KCTD18: variants seen among roughly 807,000 people sequenced by gnomAD.
KCTD18 encodes the protein potassium channel tetramerization domain containing 18.
KCTD18 carries 22 observed loss-of-function variants against 30.4 expected under a neutral mutation model. That is an observed-to-expected ratio of 0.72 (90% CI 0.52 to 1.03). The LOEUF is 1.03. KCTD18 is among the 50% of genes least tolerant of loss of function. KCTD18 has a pLI of 0.00. For missense variants in KCTD18, 529 were observed against 547.6 expected, an observed-to-expected ratio of 0.97 and a Z score of 0.34; for synonymous variants, 186 against 209.0, an observed-to-expected ratio of 0.89 and a Z score of 0.95.
At chr2:200,497,154 A>T (rs949836940) in intron 5 of KCTD18, 1 of 152,588 alleles carries the variant, frequency 6.6e-6, no homozygotes, top group Non-Finnish European at 1.5e-5. Context: ...AGAACACGTA[A>T]CCTGTGATCC....
At position 200,506,645 on chromosome 2, in the gene KCTD18, TCTTA is replaced by T. The variant is rs561115350; in HGVS notation, c.160+208_160+211del. On this transcript the variant is annotated intron_variant, in intron 2 of 6. Coordinates refer to ENST00000359878, the MANE Select transcript of KCTD18 (RefSeq NM_152387.4). ...TAGGTTATGACCAGCCTTTATGAAC[TCTTA>T]CTTCTTTGTCAACTTTTAACATTAT... Among the ~76,000 whole-genome samples the T allele has an allele frequency of 6.6e-5, 10 of 152,244 alleles. No homozygotes were observed. The South Asian group carries it at 2.1e-3, about 31-fold the overall frequency.
intron 6 of KCTD18, among the ~76,000 whole-genome samples, chr2:200,491,912 A>G: frequency 6.6e-6 from 1 of 152,204 alleles, no homozygotes; most frequent in East Asian, 1.9e-4. Flanking sequence ...TGCCATCTGT[A>G]GCAAAGAGTG....
At position 200,504,978 on chromosome 2, in the gene KCTD18, A is replaced by G; in HGVS notation, c.161-19T>C. The stretch of plus-strand genomic sequence containing the variant: ...CAAGCCCCTAGAAAACATTCAGTTC[A>G]AAAATGATTATAGAGATTCTGTCGA... On this transcript the variant is annotated intron_variant, in intron 2 of 6. Transcript: ENST00000359878. The G allele has an allele frequency of 1.3e-6, 2 of 1,583,020 alleles. No homozygotes were observed. The highest frequency in any genetic ancestry group is 1.7e-6 in the Non-Finnish European group (2 of 1,152,694).
chr2:200,504,961 T>C lies in KCTD18; in HGVS notation c.161-2A>G, dbSNP rs1343091878. On this transcript the variant is annotated splice_acceptor_variant, in intron 2 of 6. Coordinates refer to ENST00000359878, the MANE Select transcript of KCTD18 (RefSeq NM_152387.4). LOFTEE classifies it high-confidence loss of function. ...CATCACGGTCAATAACACAAGCCCC[T>C]AGAAAACATTCAGTTCAAAAATGAT... is the stretch of plus-strand genomic sequence containing the variant. 5 of 1,609,712 alleles carry C rather than the reference T, an allele frequency of 3.1e-6. No homozygotes were observed. The South Asian group carries it at 4.4e-5, about 14-fold the overall frequency.
chr2:200,505,534 A>G (rs1268694918), intron 2 of KCTD18, among the ~76,000 whole-genome samples: 1 of 152,212 alleles, frequency 6.6e-6, no homozygotes, highest in Non-Finnish European at 1.5e-5. Flanking sequence ...TGCAATGACT[A>G]TATTCCCACA....
In KCTD18 at chr2:200,490,518, T is replaced by A. The variant is rs1458410284; in HGVS notation, c.863A>T (p.Lys288Ile). ...FLGPSTSTQI[K>I]VKNSASVTVS... Reference sequence around the variant, plus strand: ...CGTGACTGAGGCCGAGTTCTTGACTTTAATTTGGGTACTTGTGGAAGGGCC... The same window carrying A: ...CGTGACTGAGGCCGAGTTCTTGACTATAATTTGGGTACTTGTGGAAGGGCC... Residue 288 changes from lysine (K) to isoleucine (I), a missense_variant, in exon 7 of 7, where the codon AAA becomes ATA. By Grantham distance (102) the Lys-to-Ile change is moderately radical. Coordinates refer to ENST00000359878, the MANE Select transcript of KCTD18 (RefSeq NM_152387.4). 6.2e-7 allele frequency: 1 copy of A among 1,606,924 alleles called. No individual in the cohort carries two copies. The highest frequency in any genetic ancestry group is 2.2e-5 in the East Asian group (1 of 44,898).
chr2:200,493,348 G>T, intron 5 of KCTD18, 74 bp from the exon 6 acceptor site: 1 of 883,228 alleles, frequency 1.1e-6, no homozygotes. Context: ...TTTCGCCTAA[G>T]ACCTGCCAGA....
Position 200,490,019 on chromosome 2 carries a change from T to C in KCTD18, c.*81A>G. 1 of 1,412,230 alleles carries C rather than the reference T, an allele frequency of 7.1e-7. No individual in the cohort carries two copies. The highest frequency in any genetic ancestry group is 9.5e-7 in the Non-Finnish European group (1 of 1,057,044). The allele number at this position is 1,412,230 out of a possible 1,614,324, so 87.5% of individuals were successfully genotyped here. On this transcript the variant is annotated 3_prime_UTR_variant, in exon 7 of 7. Coordinates refer to ENST00000359878, the MANE Select transcript of KCTD18 (RefSeq NM_152387.4). Reference sequence around the variant, plus strand: ...AAACCTAAGCTTCCCCTCTGCTGCATTAAGAAAGTGTCACTTCTTTGCGTC... The same window carrying C: ...AAACCTAAGCTTCCCCTCTGCTGCACTAAGAAAGTGTCACTTCTTTGCGTC...
chr2:200,498,061 T>C (rs1185927612), intron 4 of KCTD18, among the ~76,000 whole-genome samples: 2 of 151,352 alleles, frequency 1.3e-5, no homozygotes, highest in Non-Finnish European at 3.0e-5. Context: ...TTGATCTCTT[T>C]TTATCATAGT....
At chr2:200,509,217 G>T (rs2030379439) in intron 1 of KCTD18, among the ~76,000 whole-genome samples, 1 of 152,114 alleles carries the variant, frequency 6.6e-6, no homozygotes. Flanking sequence ...AAAGAGTGAT[G>T]TGTACAGGGG....
chr2:200,505,353 C>G (rs184990279), intron 2 of KCTD18, among the ~76,000 whole-genome samples: 2 of 152,258 alleles, frequency 1.3e-5, no homozygotes, highest in Non-Finnish European at 2.9e-5. Context: ...AAAACCAAAC[C>G]CACACTCTGC....
At chr2:200,504,689 A>G in intron 3 of KCTD18, 59 bp downstream of exon 3, 2 of 1,194,990 alleles carry the variant, frequency 1.7e-6, no homozygotes, top group Non-Finnish European at 2.4e-6. Context: ...GCAAAATAGT[A>G]CATATTGCTT....
intron 6 of KCTD18, among the ~76,000 whole-genome samples, chr2:200,491,386 A>G (rs1251309154): frequency 2.0e-5 from 3 of 152,216 alleles, no homozygotes; most frequent in African/African-American, 7.2e-5. Flanking sequence ...TCTTTTCTTT[A>G]TAAATTACCC....
At chr2:200,500,044 A>C (rs1168213536) in intron 3 of KCTD18, among the ~76,000 whole-genome samples, 6 of 152,050 alleles carry the variant, frequency 3.9e-5, no homozygotes, top group Non-Finnish European at 5.9e-5. Context: ...TGATTATCTC[A>C]ATAGATGCAG....
chr2:200,505,925 G>A (rs1398665023), intron 2 of KCTD18, among the ~76,000 whole-genome samples: 1 of 151,640 alleles, frequency 6.6e-6, no homozygotes, highest in Non-Finnish European at 1.5e-5. Flanking sequence ...ACAAAAGAAG[G>A]GATTAAGAAG....
At chr2:200,497,689 GCTTA>G in intron 5 of KCTD18, 60 bp downstream of exon 5, 1 of 1,054,644 alleles carries the variant, frequency 9.5e-7, no homozygotes, top group Non-Finnish European at 1.5e-6. Flanking sequence ...CAGTATTTGA[GCTTA>G]CTTTGTCTTT....
rs1180934410 is a variant in KCTD18 at position 200,507,012 on chromosome 2, T to C, written c.5A>G (p.Glu2Gly). The change falls in exon 2 of 7, where the codon GAA becomes GGA. Residue 2 changes from glutamate (E) to glycine (G), a missense_variant. By Grantham distance (98) the Glu-to-Gly change is moderately conservative (BLOSUM62 -2). Transcript: ENST00000359878. ...CACCTCTTCTTCTGCCTTGTGGCCT[T>C]CCATTTCTCCCCCAGGCACCTGAAT... The part of the protein sequence containing the change: M[E>G]GHKAEEEVLD... 6.2e-7 allele frequency: 1 copy of C among 1,600,210 alleles called. No homozygotes were observed. The highest frequency in any genetic ancestry group is 1.1e-5 in the South Asian group (1 of 89,812).
chr2:200,490,341 G>C lies in KCTD18; in HGVS notation c.1040C>G (p.Pro347Arg). Residue 347 changes from proline (P) to arginine (R), a missense_variant, in exon 7 of 7, where the codon CCT becomes CGT. By Grantham distance (103) the Pro-to-Arg change is moderately radical. Coordinates refer to ENST00000359878, the MANE Select transcript of KCTD18 (RefSeq NM_152387.4). Reference sequence around the variant, plus strand: ...TCCATTTTCAGCGCTCGCAGCCCCAGGGGAAGCCTGAGGATGCCCAGGTGC... The same window carrying C: ...TCCATTTTCAGCGCTCGCAGCCCCACGGGAAGCCTGAGGATGCCCAGGTGC... ...TGAPGHPQAS[P>R]GAASAENGGT... 6.2e-7 allele frequency: 1 copy of C among 1,614,248 alleles called. No homozygotes were observed. Among genetic ancestry groups the C allele is most frequent in the Non-Finnish European group, 8.5e-7 (1 of 1,180,054 alleles).
rs1484826580 is a variant in KCTD18 at position 200,490,364 on chromosome 2, T to A, written c.1017A>T (p.Ala339=). The part of the protein sequence containing the change: ...SRATALVGTG[A]PGHPQASPGA... ...CAGGGGAAGCCTGAGGATGCCCAGG[T>A]GCCCCCGTGCCCACCAGGGCCGTGG... is the stretch of plus-strand genomic sequence containing the variant. The change falls in exon 7 of 7, where the codon GCA becomes GCT. Residue 339 remains alanine, a synonymous_variant. Coordinates refer to ENST00000359878, the MANE Select transcript of KCTD18 (RefSeq NM_152387.4). 1.2e-6 allele frequency: 2 copies of A among 1,614,220 alleles called. No individual in the cohort carries two copies. The highest frequency in any genetic ancestry group is 1.7e-6 in the Non-Finnish European group (2 of 1,180,032).
Sources: gnomAD v4.1 joint callset for allele counts (sites outside exome capture counted in the v4.1 genomes callset) on GRCh38, gnomAD v4.1.1 for gene constraint, MANE v1.5 for transcripts, NCBI Gene and HGNC (gene_info 2026-07-23, HGNC 2026-07-21) for gene names.